The following ZSCAN25 variants were observed in gnomAD, a reference collection of about 807,000 sequenced individuals.
The protein encoded by ZSCAN25 is zinc finger and SCAN domain containing 25, also known as zinc finger and SCAN domain-containing protein 25.
Under a neutral mutation model 38.7 loss-of-function variants are expected in ZSCAN25, and 27 were observed. That is an observed-to-expected ratio of 0.70 (90% CI 0.51 to 0.96). ZSCAN25 has a LOEUF of 0.96. Among genes scored for constraint, ZSCAN25 ranks in the 40% least tolerant of loss-of-function variants. The pLI is 0.00. For missense variants in ZSCAN25, 637 were observed against 705.9 expected, an observed-to-expected ratio of 0.90 and a Z score of 1.11; for synonymous variants, 273 against 277.7, an observed-to-expected ratio of 0.98 and a Z score of 0.17.
chr7:99,636,080 T>C (rs887475548), downstream of ZSCAN25, among the ~76,000 whole-genome samples: 1 of 148,228 alleles, frequency 6.7e-6, no homozygotes, highest in Non-Finnish European at 1.5e-5. Context: ...AGATTTAACA[T>C]GAGGGTTTCA....
the ZSCAN25 span, among the ~76,000 whole-genome samples, chr7:99,718,323 C>T: frequency 5.3e-5 from 8 of 152,088 alleles, no homozygotes; most frequent in East Asian, 1.9e-4. Context: ...AGAAATAATG[C>T]GATTCTATTA....
chr7:99,682,067 C>T, the ZSCAN25 span, among the ~76,000 whole-genome samples: 2 of 152,156 alleles, frequency 1.3e-5, no homozygotes, highest in African/African-American at 4.8e-5. Context: ...CTCCTGGGTC[C>T]AAGTGATTCT....
At chr7:99,659,665 C>G in the ZSCAN25 span, 1 of 152,730 alleles carries the variant, frequency 6.5e-6, no homozygotes, top group African/African-American at 2.4e-5. Context: ...TATGCTCTGC[C>G]CCTAGAGGTG....
the ZSCAN25 span, among the ~76,000 whole-genome samples, chr7:99,679,337 G>T: frequency 2.0e-5 from 3 of 152,182 alleles, no homozygotes; most frequent in East Asian, 5.8e-4. Flanking sequence ...GTTGGAAGGC[G>T]GGGGAGCAGG....
chr7:99,638,645 TG>T, the ZSCAN25 span: 1 of 1,582,782 alleles, frequency 6.3e-7, no homozygotes, highest in South Asian at 1.1e-5. Context: ...GTGGGAATTG[TG>T]GTCACCGACT....
the ZSCAN25 span, chr7:99,663,819 T>G: frequency 7.4e-7 from 1 of 1,350,014 alleles, no homozygotes; most frequent in Non-Finnish European, 9.5e-7. Context: ...CCCAATCTCC[T>G]TCTTTATTTC....
the ZSCAN25 span, chr7:99,715,497 T>C: frequency 8.0e-6 from 4 of 500,122 alleles, no homozygotes; most frequent in African/African-American, 5.8e-5. Context: ...TAGGCAAATC[T>C]ATAGATGCAG....
At chr7:99,648,208 C>T in the ZSCAN25 span, 2 of 1,504,878 alleles carry the variant, frequency 1.3e-6, no homozygotes, top group Non-Finnish European at 8.9e-7. Context: ...TTAGATTAAG[C>T]CCATCTTTAT....
chr7:99,727,279 G>A, the ZSCAN25 span, among the ~76,000 whole-genome samples: 5 of 152,196 alleles, frequency 3.3e-5, no homozygotes, highest in African/African-American at 1.2e-4. Context: ...TGGTCATCAT[G>A]TCTCTGTGCA....
chr7:99,715,697 T>C, the ZSCAN25 span: 3 of 1,611,676 alleles, frequency 1.9e-6, no homozygotes, highest in Middle Eastern at 1.7e-4. Context: ...GTGATTTACA[T>C]CTCAATAAAG....
At chr7:99,691,045 A>G in the ZSCAN25 span, among the ~76,000 whole-genome samples, 1 of 152,226 alleles carries the variant, frequency 6.6e-6, no homozygotes, top group African/African-American at 2.4e-5. Flanking sequence ...AACCAACCCA[A>G]ATGTCCAACA....
intron 3 of ZSCAN25, among the ~76,000 whole-genome samples, 161 bp downstream of exon 3, chr7:99,619,293 T>C (rs1806723872): frequency 6.6e-6 from 1 of 152,238 alleles, no homozygotes; most frequent in African/African-American, 2.4e-5. Context: ...TATATTATTC[T>C]CTGATTGTAG....
chr7:99,638,545 G>A, the ZSCAN25 span: 33 of 1,526,246 alleles, frequency 2.2e-5, no homozygotes, highest in Non-Finnish European at 2.6e-5. Context: ...TAGTTATGCC[G>A]CGAGAGCGCG....
At chr7:99,706,546 G>A in the ZSCAN25 span, among the ~76,000 whole-genome samples, 4 of 152,156 alleles carry the variant, frequency 2.6e-5, no homozygotes, top group African/African-American at 9.7e-5. Context: ...ATGAGACCTA[G>A]AAATAAGATT....
chr7:99,649,758 A>G, the ZSCAN25 span, among the ~76,000 whole-genome samples: 5 of 152,240 alleles, frequency 3.3e-5, no homozygotes, highest in African/African-American at 1.2e-4. Context: ...AGTCACAGCC[A>G]GGTAATCATT....
chr7:99,624,496 G>A (rs1308881273), intron 7 of ZSCAN25: 1 of 333,154 alleles, frequency 3.0e-6, no homozygotes, highest in Non-Finnish European at 5.7e-6. Flanking sequence ...AACAGCAAAA[G>A]ATGGGGCATC....
the ZSCAN25 span, chr7:99,652,594 G>T: frequency 2.5e-6 from 4 of 1,613,884 alleles, no homozygotes; most frequent in Non-Finnish European, 3.4e-6. Flanking sequence ...AGTACTTTGG[G>T]TCATGGTGAA....
At chr7:99,689,499 A>C in the ZSCAN25 span, among the ~76,000 whole-genome samples, 1 of 152,236 alleles carries the variant, frequency 6.6e-6, no homozygotes, top group African/African-American at 2.4e-5. Context: ...GACCAATAAC[A>C]GGCTCTGAAA....
At chr7:99,685,464 C>T in the ZSCAN25 span, among the ~76,000 whole-genome samples, 1 of 152,164 alleles carries the variant, frequency 6.6e-6, no homozygotes, top group Non-Finnish European at 1.5e-5. Context: ...AGATCAATAA[C>T]AAGGGTGACA....
Sources: allele counts gnomAD v4.1 joint callset (sites outside exome capture counted in the v4.1 genomes callset), GRCh38; gene constraint gnomAD v4.1.1; transcripts MANE v1.5; gene names NCBI Gene and HGNC (gene_info 2026-07-23, HGNC 2026-07-21).